The following RAB23 variants were observed in gnomAD, a reference collection of about 807,000 sequenced individuals.
The protein encoded by RAB23 is RAB23, member RAS oncogene family.
RAB23 carries 15 observed loss-of-function variants against 30.0 expected under a neutral mutation model. The ratio of observed to expected loss-of-function variants is 0.50; its 90% CI spans 0.33 to 0.77. The LOEUF is 0.77. RAB23 is among the 30% of genes least tolerant of loss of function. The probability of loss-of-function intolerance (pLI) is 0.02; values close to 1 mark genes in which losing one functional copy is unlikely to be tolerated. For synonymous variants in RAB23, 93 were observed against 94.0 expected, an observed-to-expected ratio of 0.99 and a Z score of 0.06; for missense variants, 243 against 275.4, an observed-to-expected ratio of 0.88 and a Z score of 0.83.
At chr6:57,220,098 A>G (rs1157260866) in intron 1 of RAB23, among the ~76,000 whole-genome samples, 2 of 152,232 alleles carry the variant, frequency 1.3e-5, no homozygotes, top group African/African-American at 2.4e-5. Context: ...AAAAATGGGC[A>G]AGAGACTTTG....
Position 57,190,134 on chromosome 6 carries a change from C to G in RAB23, c.*327G>C, listed in dbSNP as rs1183952319. The G allele has an allele frequency of 3.5e-6, 1 of 287,456 alleles. No homozygotes were observed. The highest frequency in any genetic ancestry group is 6.7e-6 in the Non-Finnish European group (1 of 150,088). 17.8% of individuals were successfully genotyped at this position (287,456 alleles called of 1,614,324 possible). ...TGATCCACAGTATTAAAATCTGTAA[C>G]AATATATTTAGGCATTTCATTTATG... On this transcript the variant is annotated 3_prime_UTR_variant, in exon 7 of 7. Coordinates refer to ENST00000468148, the MANE Select transcript of RAB23 (RefSeq NM_016277.5).
intron 6 of RAB23, 147 bp downstream of exon 6, chr6:57,193,693 TAC>T (rs1274791794): frequency 6.2e-6 from 7 of 1,127,222 alleles, no homozygotes; most frequent in Non-Finnish European, 1.2e-6. Context: ...TAACACAATA[TAC>T]CTTTTAACAA....
intron 6 of RAB23, among the ~76,000 whole-genome samples, chr6:57,191,915 T>C (rs1249297428): frequency 6.6e-6 from 1 of 152,056 alleles, no homozygotes; most frequent in Non-Finnish European, 1.5e-5. Context: ...GGTGCAATCA[T>C]AGCTCATTGC....
At chr6:57,201,128 G>A (rs905926080) in intron 3 of RAB23, among the ~76,000 whole-genome samples, 9 of 148,980 alleles carry the variant, frequency 6.0e-5, no homozygotes, top group Admixed American at 2.7e-4. Flanking sequence ...CTGTCGCCCA[G>A]GCTGGAGTGC....
intron 3 of RAB23, among the ~76,000 whole-genome samples, chr6:57,204,880 C>T (rs1765395098): frequency 6.6e-6 from 1 of 151,890 alleles, no homozygotes; most frequent in Non-Finnish European, 1.5e-5. Context: ...CAAGGTAGAT[C>T]CTACTTTCCT....
At chr6:57,194,924 A>G in intron 4 of RAB23, 72 bp from the exon 5 acceptor site, 1 of 1,141,840 alleles carries the variant, frequency 8.8e-7, no homozygotes, top group Non-Finnish European at 1.3e-6. Context: ...ATCACTTTTA[A>G]TTACATTTAC....
intron 1 of RAB23, among the ~76,000 whole-genome samples, chr6:57,219,830 T>A (rs1052143682): frequency 6.6e-6 from 1 of 152,196 alleles, no homozygotes; most frequent in Non-Finnish European, 1.5e-5. Context: ...GGAACACTTT[T>A]ATAAAACAAT....
chr6:57,197,089 T>C (rs141754293), intron 3 of RAB23, among the ~76,000 whole-genome samples: 2 of 152,190 alleles, frequency 1.3e-5, no homozygotes, highest in African/African-American at 4.8e-5. Context: ...TCAGCGCAGA[T>C]TTAAGAAAAA....
chr6:57,217,117 A>G (rs941883576), intron 1 of RAB23, among the ~76,000 whole-genome samples: 40 of 152,236 alleles, frequency 2.6e-4, no homozygotes, highest in African/African-American at 6.5e-4. Flanking sequence ...CTAGAAATCA[A>G]TAACAGAAAG....
rs1286074062 is a variant in RAB23 at position 57,216,704 on chromosome 6, G to GT, written c.-66+5021dup. Among the ~76,000 whole-genome samples, 148 of 148,966 alleles carry GT rather than the reference G, an allele frequency of 9.9e-4. No homozygotes were observed. The highest frequency in any genetic ancestry group is 1.6e-3 in the Non-Finnish European group (108 of 67,048). On this transcript the variant is annotated intron_variant, in intron 1 of 6. Transcript: ENST00000468148. ...GGGCTGGTGGTTGGTTATTTTTATG[G>GT]TTTTTTTTTTATTATATGCTATACA...
chr6:57,197,422 A>G (rs911414135), intron 3 of RAB23, among the ~76,000 whole-genome samples: 1 of 152,206 alleles, frequency 6.6e-6, no homozygotes, highest in Non-Finnish European at 1.5e-5. Context: ...TTCAGGTAGC[A>G]TGGTGATAAA....
At chr6:57,211,480 TA>T (rs1033678838) in intron 1 of RAB23, among the ~76,000 whole-genome samples, 52 of 150,926 alleles carry the variant, frequency 3.4e-4, no homozygotes, top group African/African-American at 9.7e-4. Context: ...TAAAATAAAA[TA>T]AAAAAAAATT....
At chr6:57,193,665 T>C (rs1764919583) in intron 6 of RAB23, among the ~76,000 whole-genome samples, 177 bp downstream of exon 6, 1 of 152,140 alleles carries the variant, frequency 6.6e-6, no homozygotes, top group South Asian at 2.1e-4. Flanking sequence ...TAAAATTCAA[T>C]GGCAAAAAAA....
At chr6:57,210,184 T>A in intron 2 of RAB23, 42 bp downstream of exon 2, 1 of 1,594,888 alleles carries the variant, frequency 6.3e-7, no homozygotes, top group Non-Finnish European at 8.6e-7. Context: ...TGGATATAGT[T>A]CACAAATCAA....
At position 57,190,591 on chromosome 6, in the gene RAB23, T is replaced by C. The variant is rs1463789858; in HGVS notation, c.584A>G (p.Asn195Ser). The C allele has an allele frequency of 6.2e-7, 1 of 1,613,908 alleles. No individual in the cohort carries two copies. Among genetic ancestry groups the C allele is most frequent in the Non-Finnish European group, 8.5e-7 (1 of 1,179,926 alleles). Residue 195 changes from asparagine (N) to serine (S), a missense_variant, in exon 7 of 7, where the codon AAT (asparagine) becomes AGT (serine). Asn to Ser is a conservative substitution (Grantham distance 46). Coordinates refer to ENST00000468148, the MANE Select transcript of RAB23 (RefSeq NM_016277.5). ...ACCGGAGTGACTTCCACCAGATGTA[T>C]TAAAGACACCTGTATAAATTGAGGG... ...HSSSNKIGVF[N>S]TSGGSHSGQN...
rs1172871499 is a variant in RAB23, at chr6:57,189,108, A to C, written c.*1353T>G. On this transcript the variant is annotated 3_prime_UTR_variant, in exon 7 of 7. Transcript: ENST00000468148. The stretch of plus-strand genomic sequence containing the variant: ...GATGAGTGATAATCAGTTTTAACAG[A>C]GTTCACGCAATTATCTTAGCTGGAA... 1.3e-5 allele frequency: 2 copies of C among 152,232 alleles called. No individual in the cohort carries two copies. Among genetic ancestry groups the C allele is most frequent in the Non-Finnish European group, 2.9e-5 (2 of 68,034 alleles). The allele number at this position is 152,232 out of a possible 1,614,324, so 9.4% of individuals were successfully genotyped here. A position where few individuals can be genotyped will look rare whatever the true frequency, so the allele number is the denominator to read the frequency against.
chr6:57,205,448 A>G (rs1765426198), intron 3 of RAB23, among the ~76,000 whole-genome samples: 1 of 152,190 alleles, frequency 6.6e-6, no homozygotes, highest in Non-Finnish European at 1.5e-5. Context: ...GGGGCTGGGG[A>G]GACAAAGACA....
At chr6:57,216,198 G>A (rs540945213) in intron 1 of RAB23, among the ~76,000 whole-genome samples, 4 of 152,284 alleles carry the variant, frequency 2.6e-5, no homozygotes, top group African/African-American at 7.2e-5. Flanking sequence ...GCCTAGATGT[G>A]TAGTAGGCTA....
chr6:57,219,844 TAGA>T (rs1765991049), intron 1 of RAB23, among the ~76,000 whole-genome samples: 1 of 152,112 alleles, frequency 6.6e-6, no homozygotes, highest in African/African-American at 2.4e-5. Flanking sequence ...AAACAATTTT[TAGA>T]AGGAGAAAAT....
Sources: allele counts gnomAD v4.1 joint callset (sites outside exome capture counted in the v4.1 genomes callset), GRCh38; gene constraint gnomAD v4.1.1; transcripts MANE v1.5; gene names NCBI Gene and HGNC (gene_info 2026-07-23, HGNC 2026-07-21).